Variants in SPATA19 observed in about 807,000 individuals in gnomAD.
The protein encoded by SPATA19 is spermatogenesis associated 19.
Under a neutral mutation model 25.0 loss-of-function variants are expected in SPATA19, and 19 were observed. The ratio of observed to expected loss-of-function variants is 0.76; its 90% CI spans 0.53 to 1.11. The LOEUF is 1.11. Among genes scored for constraint, SPATA19 ranks in the 50% most tolerant of loss-of-function variants. SPATA19 has a pLI of 0.00. For missense variants in SPATA19, 222 were observed against 211.4 expected (o/e 1.05, Z -0.31); for synonymous variants, 64 against 69.3 (o/e 0.92, Z 0.38).
In SPATA19 at chr11:133,845,204, G is replaced by T; in HGVS notation, c.79-14C>A. ...AACGTCAATGTCCTGGAACAAATTG[G>T]CAAGTTGGTGACCTCAGAAAACCTA... On this transcript the variant is annotated splice_polypyrimidine_tract_variant and intron_variant, in intron 1 of 6. Coordinates refer to ENST00000299140, the MANE Select transcript of SPATA19 (RefSeq NM_174927.3). 6.2e-7 allele frequency: 1 copy of T among 1,613,840 alleles called. No homozygotes were observed. Among genetic ancestry groups the T allele is most frequent in the Non-Finnish European group, 8.5e-7 (1 of 1,179,872 alleles).
intron 4 of SPATA19, among the ~76,000 whole-genome samples, chr11:133,843,774 G>A (rs755988103): frequency 2.5e-4 from 38 of 152,190 alleles, no homozygotes; most frequent in Non-Finnish European, 3.8e-4. Flanking sequence ...GCAGAGCCAC[G>A]AGAGGCAGTG....
downstream of SPATA19, among the ~76,000 whole-genome samples, chr11:133,837,151 A>G (rs1241745964): frequency 6.6e-6 from 1 of 152,174 alleles, no homozygotes; most frequent in Non-Finnish European, 1.5e-5. Flanking sequence ...GGAAGTCATC[A>G]CTCTCATCCT....
At chr11:133,842,610 C>T (rs1938333901) in intron 4 of SPATA19, 48 bp from the exon 5 acceptor site, 2 of 1,411,896 alleles carry the variant, frequency 1.4e-6, no homozygotes, top group Admixed American at 1.7e-5. Context: ...GAGTTTCTTT[C>T]TTAACAGGCA....
downstream of SPATA19, among the ~76,000 whole-genome samples, chr11:133,837,489 C>T (rs534664472): frequency 1.8e-4 from 27 of 152,308 alleles, no homozygotes; most frequent in South Asian, 5.4e-3. Flanking sequence ...ACTAGCTCCT[C>T]ACAATGAAAA....
downstream of SPATA19, chr11:133,840,551 C>T (rs770789594): frequency 6.6e-6 from 1 of 152,178 alleles, no homozygotes; most frequent in African/African-American, 2.4e-5. Context: ...TCATGTGTCC[C>T]CAGAGCCAGG....
downstream of SPATA19, among the ~76,000 whole-genome samples, chr11:133,840,047 C>A (rs1938275253): frequency 6.6e-6 from 1 of 152,046 alleles, no homozygotes; most frequent in Non-Finnish European, 1.5e-5. Flanking sequence ...GACAAAATTT[C>A]TTGAAAGGGA....
chr11:133,844,415 C>A, intron 3 of SPATA19, 78 bp from the exon 4 acceptor site: 1 of 1,611,676 alleles, frequency 6.2e-7, no homozygotes, highest in Non-Finnish European at 8.5e-7. Context: ...CAGACGAGCA[C>A]CTCACCCTTG....
At chr11:133,844,011 T>C (rs1469907177) in intron 4 of SPATA19, among the ~76,000 whole-genome samples, 1 of 152,210 alleles carries the variant, frequency 6.6e-6, no homozygotes, top group Non-Finnish European at 1.5e-5. Context: ...TTCAGAAGCA[T>C]TTAAGAAATG....
chr11:133,836,408 C>G (rs1437736348), downstream of SPATA19, among the ~76,000 whole-genome samples: 1 of 152,240 alleles, frequency 6.6e-6, no homozygotes, highest in Non-Finnish European at 1.5e-5. Context: ...ACCTTAGCCT[C>G]TCTCCCTTCC....
rs568105693 is a variant in SPATA19 at position 133,842,655 on chromosome 11, T to C, written c.360-93A>G. ...GCTAGAGATGGGATCCTGCAAACAA[T>C]GACTCTTGCCCTGACACCATGAACT... On this transcript the variant is annotated intron_variant, in intron 4 of 6. Coordinates refer to ENST00000299140, the MANE Select transcript of SPATA19 (RefSeq NM_174927.3). 1.5e-3 allele frequency: 1,494 copies of C among 984,412 alleles called. 2 individuals carry two copies. Among genetic ancestry groups the C allele is most frequent in the Non-Finnish European group, 1.9e-3 (1,167 of 611,712 alleles). The allele number at this position is 984,412 out of a possible 1,614,324, so 61.0% of individuals were successfully genotyped here.
Position 133,844,226 on chromosome 11 carries a change from G to T in SPATA19, c.359+20C>A. ...TCTCTCCCTCCCCTTCCTTCGCCCA[G>T]GGCAAGTGGGACACCTTACCTCCAT... On this transcript the variant is annotated intron_variant, in intron 4 of 6. Transcript: ENST00000299140. The T allele has an allele frequency of 6.2e-7, 1 of 1,607,746 alleles. No individual in the cohort carries two copies. The highest frequency in any genetic ancestry group is 1.1e-5 in the South Asian group (1 of 90,946).
chr11:133,842,852 C>T (rs142151514), intron 4 of SPATA19, among the ~76,000 whole-genome samples: 1,875 of 152,140 alleles, frequency 0.012, 22 homozygotes, highest in African/African-American at 0.027. Flanking sequence ...TCTCGTGAGC[C>T]GTGGAATTCA....
chr11:133,843,749 C>T (rs531325165), intron 4 of SPATA19, among the ~76,000 whole-genome samples: 4 of 152,158 alleles, frequency 2.6e-5, no homozygotes, highest in Admixed American at 6.5e-5. Context: ...CCCTGGGCCT[C>T]GGGGCTCAGC....
At position 133,842,565 on chromosome 11, in the gene SPATA19, GC is replaced by G; in HGVS notation, c.360-4del. The stretch of plus-strand genomic sequence containing the variant: ...GCACTTGGAAGATACGAGTGTGGCT[GC>G]AAAAGGCCATTCGTACATTGGCATA... On this transcript the variant is annotated splice_polypyrimidine_tract_variant and splice_region_variant and intron_variant, in intron 4 of 6. Transcript: ENST00000299140. 3 of 1,612,292 alleles carry G rather than the reference GC, an allele frequency of 1.9e-6. No homozygotes were observed. Among genetic ancestry groups the G allele is most frequent in the Non-Finnish European group, 2.5e-6 (3 of 1,178,298 alleles).
At position 133,843,149 on chromosome 11, in the gene SPATA19, T is replaced by G. The variant is rs145914388; in HGVS notation, c.360-587A>C. Among the ~76,000 whole-genome samples the G allele has an allele frequency of 7.2e-3, 1,091 of 152,120 alleles. 21 individuals are homozygous for G. The highest frequency in any genetic ancestry group is 0.023 in the African/African-American group (935 of 41,474). On this transcript the variant is annotated intron_variant, in intron 4 of 6. Coordinates refer to ENST00000299140, the MANE Select transcript of SPATA19 (RefSeq NM_174927.3). ...TTGTAGAAAATCCAGAGTGGAAAAA[T>G]TATATGTAAATAATTGACTGATTCC...
At chr11:133,845,243 T>TTGGCCCCC in intron 1 of SPATA19, 53 bp from the exon 2 acceptor site, 2 of 1,555,052 alleles carry the variant, frequency 1.3e-6, no homozygotes, top group Non-Finnish European at 1.8e-6. Context: ...ATTCAGCTCT[T>TTGGCCCCC]CCCACCCAGC....
downstream of SPATA19, among the ~76,000 whole-genome samples, chr11:133,836,015 T>C (rs1426981014): frequency 6.6e-6 from 1 of 152,204 alleles, no homozygotes; most frequent in Non-Finnish European, 1.5e-5. Context: ...CACTTCCTGC[T>C]TTAACATTCC....
At chr11:133,838,207 T>C (rs544194837), downstream of SPATA19, among the ~76,000 whole-genome samples, 1 of 152,296 alleles carries the variant, frequency 6.6e-6, no homozygotes, top group Admixed American at 6.5e-5. Flanking sequence ...AAAAATATGC[T>C]AAGGGCTCTA....
chr11:133,837,950 A>C (rs1222261537), downstream of SPATA19, among the ~76,000 whole-genome samples: 1 of 152,204 alleles, frequency 6.6e-6, no homozygotes, highest in South Asian at 2.1e-4. Context: ...CAAGGATGCC[A>C]GAGGAAACCT....
Sources: allele counts gnomAD v4.1 joint callset (sites outside exome capture counted in the v4.1 genomes callset), GRCh38; gene constraint gnomAD v4.1.1; transcripts MANE v1.5; gene names NCBI Gene and HGNC (gene_info 2026-07-23, HGNC 2026-07-21).